The following PCNX1 variants were observed in gnomAD, a reference collection of about 807,000 sequenced individuals.
PCNX1 encodes the protein pecanex-like protein 1.
In PCNX1, 78 loss-of-function variants were observed where a neutral mutation model predicts 242.2. The ratio of observed to expected loss-of-function variants is 0.32; its 90% CI spans 0.27 to 0.39. The LOEUF (loss-of-function observed/expected upper bound fraction) is 0.39. Among genes scored for constraint, PCNX1 ranks in the 10% least tolerant of loss-of-function variants. The pLI is 1.00. For synonymous variants in PCNX1, 1,024 were observed against 1,032.9 expected (o/e 0.99, Z 0.17); for missense variants, 2,581 against 2,856.5 (o/e 0.90, Z 2.20).
Position 70,995,785 on chromosome 14 carries a change from A to G in PCNX1, c.2489A>G (p.Lys830Arg), listed in dbSNP as rs2059331573. The G allele has an allele frequency of 6.2e-7, 1 of 1,613,962 alleles. No homozygotes were observed. Residue 830 changes from lysine (K) to arginine (R), a missense_variant, in exon 8 of 36, where the codon AAA (lysine) becomes AGA (arginine). By Grantham distance (26) the Lys-to-Arg change is conservative (BLOSUM62 2). Transcript: ENST00000304743. ...QQGQQSTAQV[K>R]VQSRPPSQAA... ...GGCCAGCAGTCCACAGCCCAGGTCAAAGTCCAGTCCCGCCCCCCTTCCCAG... is the reference window on the plus strand; with the variant it reads ...GGCCAGCAGTCCACAGCCCAGGTCAGAGTCCAGTCCCGCCCCCCTTCCCAG...
intron 1 of PCNX1, among the ~76,000 whole-genome samples, chr14:70,912,479 A>G (rs1029176248): frequency 1.3e-5 from 2 of 151,984 alleles, no homozygotes; most frequent in African/African-American, 4.8e-5. Flanking sequence ...TACTCAACGT[A>G]CCTCTTGGCT....
chr14:71,049,006 C>T, intron 22 of PCNX1: 3 of 946,214 alleles, frequency 3.2e-6, no homozygotes, highest in Non-Finnish European at 3.8e-6. Context: ...TGGTTATTAA[C>T]CAAAGGAGGA....
At chr14:70,947,935 T>C (rs2057523379) in intron 2 of PCNX1, among the ~76,000 whole-genome samples, 2 of 152,190 alleles carry the variant, frequency 1.3e-5, no homozygotes, top group African/African-American at 2.4e-5. Context: ...AGTGTCTGTC[T>C]TACGCAGTTG....
At chr14:70,994,396 G>GATATAGATATATATATATAT (rs1555357280) in intron 7 of PCNX1, among the ~76,000 whole-genome samples, 9 of 96,972 alleles carry the variant, frequency 9.3e-5, no homozygotes, top group Non-Finnish European at 1.7e-4. Flanking sequence ...ACAGGCTTAA[G>GATATAGATATATATATATAT]ATATATATAT....
At chr14:71,088,988 A>G (rs779639424) in intron 29 of PCNX1, among the ~76,000 whole-genome samples, 3 of 152,030 alleles carry the variant, frequency 2.0e-5, no homozygotes, top group Non-Finnish European at 4.4e-5. Flanking sequence ...TCATGGACTC[A>G]CTATTACAGT....
chr14:71,024,404 T>C (rs10140225), intron 13 of PCNX1, among the ~76,000 whole-genome samples: 84,799 of 151,978 alleles, frequency 0.56, 25,060 homozygotes, highest in East Asian at 0.74. Flanking sequence ...AGCAATTCTT[T>C]GGAAGCTATC....
Position 71,039,749 on chromosome 14 carries a change from C to T in PCNX1, c.3867+3592C>T, listed in dbSNP as rs117263162. 2.6e-5 allele frequency among the ~76,000 whole-genome samples: 4 copies of T among 152,250 alleles called. No individual in the cohort carries two copies. The East Asian group carries it at 7.7e-4, about 29-fold the overall frequency. On this transcript the variant is annotated intron_variant, in intron 19 of 35. Transcript: ENST00000304743. ...AGTGCACATACCCTCTCCTAAAACCCCGAAAAGTCTCATTCCAGTACAGTT... is the reference window on the plus strand; with the variant it reads ...AGTGCACATACCCTCTCCTAAAACCTCGAAAAGTCTCATTCCAGTACAGTT...
At chr14:71,037,778 C>T (rs1414248029) in intron 19 of PCNX1, among the ~76,000 whole-genome samples, 3 of 150,776 alleles carry the variant, frequency 2.0e-5, no homozygotes, top group African/African-American at 7.4e-5. Flanking sequence ...GAATCCTAAG[C>T]CAAAAGAACA....
Position 70,907,819 on chromosome 14 carries a change from G to T in PCNX1, c.-32G>T, listed in dbSNP as rs1429393589. The T allele has an allele frequency of 8.0e-7, 1 of 1,243,726 alleles. No homozygotes were observed. The highest frequency in any genetic ancestry group is 1.0e-6 in the Non-Finnish European group (1 of 992,174). The allele number at this position is 1,243,726 out of a possible 1,614,324, so 77.0% of individuals were successfully genotyped here. A position where few individuals can be genotyped will look rare whatever the true frequency, so the allele number is the denominator to read the frequency against. On this transcript the variant is annotated 5_prime_UTR_variant, in exon 1 of 36. Coordinates refer to ENST00000304743, the MANE Select transcript of PCNX1 (RefSeq NM_014982.3). ...GGGCCGGGGCGGGGACGGCGGCGGC[G>T]GCGGCGGCGACGGCGGCGGCGCCGG...
In PCNX1 at chr14:70,909,398, G is replaced by T. The variant is rs148861105; in HGVS notation, c.153+1395G>T. On this transcript the variant is annotated intron_variant, in intron 1 of 35. Transcript: ENST00000304743. The stretch of plus-strand genomic sequence containing the variant: ...TTTTCAATTAATTTTGGCCTAGGGA[G>T]TTCTATTTGCACTACTATACCTTCC... Among the ~76,000 whole-genome samples the T allele has an allele frequency of 3.9e-5, 6 of 152,302 alleles. No individual in the cohort carries two copies. In the East Asian group the frequency reaches 1.2e-3, roughly 29 times the overall value.
At chr14:70,910,476 G>A (rs1484305163) in intron 1 of PCNX1, among the ~76,000 whole-genome samples, 12 of 151,888 alleles carry the variant, frequency 7.9e-5, no homozygotes, top group Admixed American at 4.6e-4. Flanking sequence ...TTGCCAAGAA[G>A]TATGTTCCTG....
chr14:71,050,682 G>A lies in PCNX1; in HGVS notation c.4369G>A (p.Val1457Met). Reference protein sequence around the residue: ...LWELLYKLQFVYTYIAPWQIT... With the variant: ...LWELLYKLQFMYTYIAPWQIT... ...GGAACTACTTTATAAATTGCAGTTT[G>A]TGTATACCTATATTGCCCCATGGCA... The change falls in exon 23 of 36, where the codon GTG (valine) becomes ATG (methionine). Residue 1457 changes from valine to methionine, a missense_variant. Physicochemically the swap from Val to Met is conservative, Grantham distance 21. Around this residue, in one of 9 missense-constraint regions of PCNX1, gnomAD observed 99 missense variants for 147.3 expected, o/e 0.67. Transcript: ENST00000304743. The A allele has an allele frequency of 6.2e-7, 1 of 1,609,442 alleles. No homozygotes were observed. The highest frequency in any genetic ancestry group is 8.5e-7 in the Non-Finnish European group (1 of 1,177,920).
In PCNX1 at chr14:71,036,061, A is replaced by C. The variant is rs773090215; in HGVS notation, c.3775-4A>C. On this transcript the variant is annotated splice_polypyrimidine_tract_variant and splice_region_variant and intron_variant, in intron 18 of 35. Coordinates refer to ENST00000304743, the MANE Select transcript of PCNX1 (RefSeq NM_014982.3). ...TGTTTAATAATTCTTTTTTTTCCCC[A>C]CAGAGTGAGCGATTACAGTCTGACC... 9 of 1,566,116 alleles carry C rather than the reference A, an allele frequency of 5.7e-6. No individual in the cohort carries two copies. The highest frequency in any genetic ancestry group is 7.9e-6 in the Non-Finnish European group (9 of 1,141,244).
rs1265563961 is a variant in PCNX1 at position 71,035,041 on chromosome 14, A to G, written c.3774+1005A>G. On this transcript the variant is annotated intron_variant, in intron 18 of 35. Transcript: ENST00000304743. ...ATGAAGATATAAGTTATCCAAAGGG[A>G]TATACCCCTATAAATGACACCGTGG... 6.6e-5 allele frequency among the ~76,000 whole-genome samples: 10 copies of G among 152,282 alleles called. No individual in the cohort carries two copies. In the East Asian group the frequency reaches 1.5e-3, roughly 24 times the overall value.
chr14:70,978,021 A>G lies in PCNX1; in HGVS notation c.1684A>G (p.Arg562Gly). Residue 562 changes from arginine to glycine, a missense_variant, in exon 6 of 36, where the codon AGA (arginine) becomes GGA (glycine). Arg to Gly is a moderately radical substitution (Grantham distance 125). Coordinates refer to ENST00000304743, the MANE Select transcript of PCNX1 (RefSeq NM_014982.3). ...RTASAHKSGR[R>G]RTGKKRASSF... Reference sequence around the variant, plus strand: ...AGCTTCTGCCCACAAGTCAGGCAGGAGACGCACAGGAAAAAAACGGGCTAG... The same window carrying G: ...AGCTTCTGCCCACAAGTCAGGCAGGGGACGCACAGGAAAAAAACGGGCTAG... 6.2e-7 allele frequency: 1 copy of G among 1,614,156 alleles called. No individual in the cohort carries two copies. Among genetic ancestry groups the G allele is most frequent in the Non-Finnish European group, 8.5e-7 (1 of 1,180,016 alleles).
chr14:71,067,971 A>G (rs1006014952), intron 26 of PCNX1, among the ~76,000 whole-genome samples: 2 of 152,030 alleles, frequency 1.3e-5, no homozygotes, highest in South Asian at 4.1e-4. Context: ...GTTGTAGCAC[A>G]TGGAGAAAAA....
intron 26 of PCNX1, among the ~76,000 whole-genome samples, chr14:71,067,427 G>A (rs1177441801): frequency 6.6e-6 from 1 of 151,932 alleles, no homozygotes; most frequent in African/African-American, 2.4e-5. Context: ...ATTCTCTGAT[G>A]GTACTTTGTA....
chr14:70,982,921 C>G (rs971563285), intron 6 of PCNX1, among the ~76,000 whole-genome samples: 1 of 152,242 alleles, frequency 6.6e-6, no homozygotes, highest in Non-Finnish European at 1.5e-5. Flanking sequence ...CCGTCTAGAC[C>G]TGTCTCACAG....
chr14:70,963,020 G>A (rs2058269724), intron 3 of PCNX1, among the ~76,000 whole-genome samples: 1 of 152,184 alleles, frequency 6.6e-6, no homozygotes, highest in African/African-American at 2.4e-5. Context: ...TTTAGTAGTT[G>A]CTATGTCAGT....
Sources: gnomAD v4.1 joint callset for allele counts (sites outside exome capture counted in the v4.1 genomes callset) on GRCh38, gnomAD v4.1.1 for gene constraint, gnomAD v4.1.1 regional missense constraint, MANE v1.5 for transcripts, NCBI Gene and HGNC (gene_info 2026-07-23, HGNC 2026-07-21) for gene names.